Variants in SLK observed in about 807,000 individuals in gnomAD.
The protein encoded by SLK is STE20 like kinase.
SLK carries 67 observed loss-of-function variants against 147.7 expected under a neutral mutation model. The ratio of observed to expected loss-of-function variants is 0.45; its 90% confidence interval spans 0.37 to 0.56. The LOEUF (loss-of-function observed/expected upper bound fraction) is 0.56, where lower values mean the gene tolerates loss of function less well. SLK is among the 20% of genes least tolerant of loss of function. The pLI is 0.00. For missense variants in SLK, 1,136 were observed against 1,438.8 expected, an observed-to-expected ratio of 0.79 and a Z score of 3.41; for synonymous variants, 441 against 475.0, an observed-to-expected ratio of 0.93 and a Z score of 0.93.
rs752774132 is a variant in SLK, at chr10:104,002,274, A to G, written c.1096A>G (p.Lys366Glu). The G allele has an allele frequency of 1.2e-6, 2 of 1,613,690 alleles. No homozygotes were observed. Among genetic ancestry groups the G allele is most frequent in the Non-Finnish European group, 8.5e-7 (1 of 1,179,660 alleles). The change falls in exon 9 of 19, where the codon AAA becomes GAA. Residue 366 changes from lysine to glutamate, a missense_variant. Around this residue, in one of 6 missense-constraint regions of SLK, gnomAD observed 516 missense variants for 531.3 expected, o/e 0.97. Coordinates refer to ENST00000369755, the MANE Select transcript of SLK (RefSeq NM_014720.4). ...NACILESVSE[K>E]TERSNSEDKL... ...TTGTATTTTGGAGTCTGTCTCAGAAAAAACAGAACGTAGTAACTCTGAAGA... is the reference window on the plus strand; with the variant it reads ...TTGTATTTTGGAGTCTGTCTCAGAAGAAACAGAACGTAGTAACTCTGAAGA...
chr10:104,019,751 G>A lies in SLK; in HGVS notation c.3150G>A (p.Gln1050=), dbSNP rs1381600508. Residue 1050 remains glutamine (Q), a synonymous_variant, in exon 16 of 19, where the codon CAG becomes CAA. Coordinates refer to ENST00000369755, the MANE Select transcript of SLK (RefSeq NM_014720.4). Reference sequence around the variant, plus strand: ...TTTCATAGGAAACAGAGCAAATGCAGCGTTACAATCAAAGACTTATTGAGG... The same window carrying A: ...TTTCATAGGAAACAGAGCAAATGCAACGTTACAATCAAAGACTTATTGAGG... ...KRHEKETEQM[Q]RYNQRLIEEL... The A allele has an allele frequency of 6.2e-7, 1 of 1,613,854 alleles. No individual in the cohort carries two copies. Among genetic ancestry groups the A allele is most frequent in the East Asian group, 2.2e-5 (1 of 44,880 alleles).
chr10:103,991,513 A>G (rs1283000316), intron 2 of SLK, among the ~76,000 whole-genome samples: 1 of 152,084 alleles, frequency 6.6e-6, no homozygotes, highest in Non-Finnish European at 1.5e-5. Flanking sequence ...GAGAAGAGTA[A>G]GTAGTATAAG....
chr10:104,008,109 C>T, intron 11 of SLK, 68 bp from the exon 12 acceptor site: 1 of 1,198,982 alleles, frequency 8.3e-7, no homozygotes, highest in Non-Finnish European at 1.2e-6. Flanking sequence ...TCTTAGGAAA[C>T]ATCTTTACTA....
rs1354814508 is a variant in SLK at position 104,008,069 on chromosome 10, C to CTATATTTAA, written c.2605-108_2605-107insTATATTTAA. 32 of 795,976 alleles carry CTATATTTAA rather than the reference C, an allele frequency of 4.0e-5. No individual in the cohort carries two copies. In the African/African-American group the frequency reaches 5.2e-4, roughly 13 times the overall value. 49.3% of individuals were successfully genotyped at this position (795,976 alleles called of 1,614,324 possible). On this transcript the variant is annotated intron_variant, in intron 11 of 18. Transcript: ENST00000369755. The stretch of plus-strand genomic sequence containing the variant: ...TTTCAGTATTGTGAAGGTTATAGTA[C>CTATATTTAA]ATTACTAAATTTAAATACTAGTTAT...
At chr10:104,025,303 C>G (rs1330730906) in intron 18 of SLK, among the ~76,000 whole-genome samples, 3 of 152,212 alleles carry the variant, frequency 2.0e-5, no homozygotes, top group Non-Finnish European at 2.9e-5. Flanking sequence ...CAAATTATCC[C>G]TATTTTTACA....
Position 104,003,230 on chromosome 10 carries a change from A to C in SLK, c.2052A>C (p.Lys684Asn). The C allele has an allele frequency of 3.1e-6, 5 of 1,611,666 alleles. No individual in the cohort carries two copies. The highest frequency in any genetic ancestry group is 4.2e-6 in the Non-Finnish European group (5 of 1,179,424). ...KVTTQIDKEKKEIPVSIKKEP... is the reference protein window; with the variant it reads ...KVTTQIDKEKNEIPVSIKKEP... ...CTACTCAGATAGATAAAGAGAAAAA[A>C]GAAATTCCAGTGTCAATTAAAAAAG... Residue 684 changes from lysine (K) to asparagine (N), a missense_variant, in exon 9 of 19, where the codon AAA becomes AAC. By Grantham distance (94) the Lys-to-Asn change is moderately conservative (BLOSUM62 0). This residue lies in a region of SLK where 516 missense variants were observed against 531.3 expected (regional missense o/e 0.97). Transcript: ENST00000369755.
chr10:103,990,142 T>C (rs1844072918), intron 1 of SLK, among the ~76,000 whole-genome samples: 1 of 152,076 alleles, frequency 6.6e-6, no homozygotes, highest in South Asian at 2.1e-4. Flanking sequence ...AAAGCAAAAC[T>C]ATGGATGCAG....
At chr10:103,995,109 A>C (rs1176250272) in intron 4 of SLK, among the ~76,000 whole-genome samples, 1 of 152,196 alleles carries the variant, frequency 6.6e-6, no homozygotes. Context: ...TTCATTATAA[A>C]ATTAGTAATG....
chr10:103,969,642 G>A (rs1843767031), intron 1 of SLK, among the ~76,000 whole-genome samples: 1 of 152,164 alleles, frequency 6.6e-6, no homozygotes, highest in African/African-American at 2.4e-5. Flanking sequence ...TGTGTGGAGG[G>A]TAGAGTATGG....
chr10:104,009,474 G>A (rs528311641), intron 12 of SLK, among the ~76,000 whole-genome samples: 1 of 152,092 alleles, frequency 6.6e-6, no homozygotes, highest in African/African-American at 2.4e-5. Flanking sequence ...GAATGAAATG[G>A]TATGTGATTT....
At chr10:104,015,074 TAATGA>T (rs1844445367) in intron 13 of SLK, among the ~76,000 whole-genome samples, 2 of 151,666 alleles carry the variant, frequency 1.3e-5, no homozygotes, top group South Asian at 4.1e-4. Context: ...TGTTTTGAGG[TAATGA>T]AATATATTGA....
At chr10:104,004,341 TG>T (rs1332206543) in intron 9 of SLK, among the ~76,000 whole-genome samples, 1 of 152,230 alleles carries the variant, frequency 6.6e-6, no homozygotes, top group African/African-American at 2.4e-5. Flanking sequence ...TTTCACTGAC[TG>T]AAATAACCAC....
chr10:104,014,299 A>G (rs886234398), intron 13 of SLK, among the ~76,000 whole-genome samples: 3 of 152,236 alleles, frequency 2.0e-5, no homozygotes, highest in Non-Finnish European at 4.4e-5. Flanking sequence ...TCAATAATGA[A>G]TAGTGAGTTT....
rs1198252354 is a variant in SLK, at chr10:103,967,683, A to G, written c.-63A>G. ...GGGCTCGCGCGGGAGAGCAGGGAAG[A>G]GAAACTTTGCCTTTTATTGTTTTTA... On this transcript the variant is annotated 5_prime_UTR_variant, in exon 1 of 19. Transcript: ENST00000369755. The G allele has an allele frequency of 3.3e-6, 5 of 1,530,224 alleles. No individual in the cohort carries two copies. Among genetic ancestry groups the G allele is most frequent in the Non-Finnish European group, 4.5e-6 (5 of 1,123,408 alleles). 94.8% of individuals were successfully genotyped at this position (1,530,224 alleles called of 1,614,324 possible).
intron 4 of SLK, among the ~76,000 whole-genome samples, chr10:103,993,575 G>A (rs986559079): frequency 1.3e-5 from 2 of 151,948 alleles, no homozygotes; most frequent in African/African-American, 2.4e-5. Context: ...GATATGGTAC[G>A]TTGACTAAAC....
In SLK at chr10:104,002,489, A is replaced by C; in HGVS notation, c.1311A>C (p.Glu437Asp). The change falls in exon 9 of 19, where the codon GAA (glutamate) becomes GAC (aspartate). Residue 437 changes from glutamate to aspartate, a missense_variant. Glu to Asp is a conservative substitution (Grantham distance 45). Around this residue, in one of 6 missense-constraint regions of SLK, gnomAD observed 516 missense variants for 531.3 expected, o/e 0.97. Transcript: ENST00000369755. The stretch of plus-strand genomic sequence containing the variant: ...AGCTTGAAAATCTGCCTGACACAGA[A>C]GACCAAGAAACTGTGGACATTAATT... ...RPKLENLPDTEDQETVDINSV... is the reference protein window; with the variant it reads ...RPKLENLPDTDDQETVDINSV... 1 of 1,613,740 alleles carries C rather than the reference A, an allele frequency of 6.2e-7. No individual in the cohort carries two copies. Among genetic ancestry groups the C allele is most frequent in the Non-Finnish European group, 8.5e-7 (1 of 1,179,862 alleles).
At chr10:103,995,468 C>G (rs1844158762) in intron 4 of SLK, among the ~76,000 whole-genome samples, 1 of 133,002 alleles carries the variant, frequency 7.5e-6, no homozygotes, top group South Asian at 2.3e-4. Flanking sequence ...TGCTCTGTTG[C>G]CCAGGTTGGA....
At chr10:103,982,875 T>C (rs1193839760) in intron 1 of SLK, among the ~76,000 whole-genome samples, 1 of 152,220 alleles carries the variant, frequency 6.6e-6, no homozygotes, top group African/African-American at 2.4e-5. Context: ...AAGGTCTGGC[T>C]GTGGGGGCCA....
In SLK at chr10:104,008,291, A is replaced by G. The variant is rs1375607753; in HGVS notation, c.2719A>G (p.Ile907Val). 6.2e-7 allele frequency: 1 copy of G among 1,614,052 alleles called. No homozygotes were observed. The change falls in exon 12 of 19, where the codon ATC becomes GTC. Residue 907 changes from isoleucine to valine, a missense_variant. By Grantham distance (29) the Ile-to-Val change is conservative. Transcript: ENST00000369755. ...TNRLRDEAKR[I>V]KGEQEKELSK... The stretch of plus-strand genomic sequence containing the variant: ...TCGCTTGCGAGATGAAGCCAAACGC[A>G]TCAAAGGAGAACAAGAGAAAGAGTT...
Sources: allele counts gnomAD v4.1 joint callset (sites outside exome capture counted in the v4.1 genomes callset), GRCh38; gene constraint gnomAD v4.1.1; regional missense constraint gnomAD v4.1.1; transcripts MANE v1.5; gene names NCBI Gene and HGNC (gene_info 2026-07-23, HGNC 2026-07-21).